TMEM243: variants seen among roughly 807,000 people sequenced by gnomAD.
TMEM243 encodes MDR1 and mitochondrial taxol resistance associated.
In TMEM243, 20 loss-of-function variants were observed where a neutral mutation model predicts 15.0. The observed-to-expected ratio is 1.33, with a 90% CI of 0.94 to 1.93. TMEM243 has a LOEUF of 1.93. Among genes scored for constraint, TMEM243 ranks in the 30% most tolerant of loss-of-function variants. TMEM243 has a pLI of 0.00. For missense variants in TMEM243, 156 were observed against 142.1 expected (o/e 1.10, Z -0.50); for synonymous variants, 72 against 52.7 (o/e 1.37, Z -1.59).
chr7:87,214,122 C>G (rs1802948913), intron 1 of TMEM243, among the ~76,000 whole-genome samples: 1 of 152,190 alleles, frequency 6.6e-6, no homozygotes, highest in African/African-American at 2.4e-5. Flanking sequence ...CCCATTTGCC[C>G]TAGCTATGGG....
In TMEM243 at chr7:87,198,015, G is replaced by A. The variant is rs778309452; in HGVS notation, c.160C>T (p.Gln54Ter). The stretch of plus-strand genomic sequence containing the variant: ...ATATTCAACGGTTTTGGAGGTAGTT[G>A]AGGGAAAACAAAAGCACTTATCAGC... ...VTLISAFVFPQLPPKPLNIFF... is the reference protein window; with the variant it reads ...VTLISAFVFP The change falls in exon 3 of 4, where the codon CAA (glutamine) becomes TAA (stop). Residue 54 changes from glutamine to a stop codon, truncating the protein, a stop_gained. Transcript: ENST00000257637. LOFTEE classifies it high-confidence loss of function. 8 of 1,612,562 alleles carry A rather than the reference G, an allele frequency of 5.0e-6. No individual in the cohort carries two copies. The highest frequency in any genetic ancestry group is 1.7e-6 in the Non-Finnish European group (2 of 1,179,126).
intron 1 of TMEM243, among the ~76,000 whole-genome samples, chr7:87,200,477 T>C (rs1801713311): frequency 6.6e-6 from 1 of 152,152 alleles, no homozygotes. Flanking sequence ...AGCAAGAATA[T>C]CTGCTGCTCT....
chr7:87,219,086 GTC>G (rs1432704943), intron 1 of TMEM243, among the ~76,000 whole-genome samples: 3 of 152,108 alleles, frequency 2.0e-5, no homozygotes, highest in Non-Finnish European at 2.9e-5. Context: ...CACACCTGAA[GTC>G]TCTGGAGGGT....
intron 3 of TMEM243, among the ~76,000 whole-genome samples, chr7:87,197,204 A>T (rs1801359370): frequency 6.6e-6 from 1 of 152,118 alleles, no homozygotes; most frequent in Non-Finnish European, 1.5e-5. Flanking sequence ...AAGCTCCCAA[A>T]GTGGGATGGG....
intron 1 of TMEM243, among the ~76,000 whole-genome samples, chr7:87,208,820 C>T (rs1305096584): frequency 1.3e-5 from 2 of 152,360 alleles, no homozygotes; most frequent in Middle Eastern, 3.4e-3. Flanking sequence ...CAAAGCCAAG[C>T]CACATGTTTT....
At chr7:87,209,207 A>G (rs1371078820) in intron 1 of TMEM243, among the ~76,000 whole-genome samples, 1 of 152,172 alleles carries the variant, frequency 6.6e-6, no homozygotes, top group African/African-American at 2.4e-5. Context: ...GGTTTAACTG[A>G]ATAACAGTTC....
Position 87,219,728 on chromosome 7 carries a change from G to T in TMEM243, c.-225C>A, listed in dbSNP as rs1803369496. 1 of 567,784 alleles carries T rather than the reference G, an allele frequency of 1.8e-6. No individual in the cohort carries two copies. The highest frequency in any genetic ancestry group is 3.1e-6 in the Non-Finnish European group (1 of 320,712). The allele number at this position is 567,784 out of a possible 1,614,324, so 35.2% of individuals were successfully genotyped here. A position where few individuals can be genotyped will look rare whatever the true frequency, so the allele number is the denominator to read the frequency against. On this transcript the variant is annotated 5_prime_UTR_variant, in exon 1 of 4. Coordinates refer to ENST00000257637, the MANE Select transcript of TMEM243 (RefSeq NM_024315.4). ...TCCTCATCTTGAGCAGCTGCCGCAG[G>T]AAGTGAAAGGAAACAAACACTGCGT...
intron 1 of TMEM243, among the ~76,000 whole-genome samples, chr7:87,216,529 A>C (rs1000027857): frequency 1.3e-5 from 2 of 152,204 alleles, no homozygotes; most frequent in Non-Finnish European, 2.9e-5. Context: ...ATGTCTGTAA[A>C]GCTATTCCTA....
intron 1 of TMEM243, among the ~76,000 whole-genome samples, chr7:87,201,229 A>T (rs1231490644): frequency 6.6e-6 from 1 of 152,230 alleles, no homozygotes; most frequent in Non-Finnish European, 1.5e-5. Flanking sequence ...GAATTCAGGT[A>T]TGCAGAGTTA....
At position 87,212,184 on chromosome 7, in the gene TMEM243, G is replaced by A. The variant is rs149973823; in HGVS notation, c.78+7242C>T. 8.7e-4 allele frequency among the ~76,000 whole-genome samples: 133 copies of A among 152,292 alleles called. 1 individual carries two copies. In the East Asian group the frequency reaches 0.023, roughly 26 times the overall value. On this transcript the variant is annotated intron_variant, in intron 1 of 3. Transcript: ENST00000257637. Reference sequence around the variant, plus strand: ...ACATTCAGTAGAGGGTCAGTAAATGGCAGCTAATATGGTATTTGCACTATT... The same window carrying A: ...ACATTCAGTAGAGGGTCAGTAAATGACAGCTAATATGGTATTTGCACTATT...
Position 87,198,998 on chromosome 7 carries a change from G to A in TMEM243, c.129+9C>T. 6.3e-7 allele frequency: 1 copy of A among 1,592,546 alleles called. No homozygotes were observed. On this transcript the variant is annotated intron_variant, in intron 2 of 3. Transcript: ENST00000257637. Reference sequence around the variant, plus strand: ...GAGCCTGGGTGAGGCACAAAATGAGGATACTTACTAGAATCAATAAGGATG... The same window carrying A: ...GAGCCTGGGTGAGGCACAAAATGAGAATACTTACTAGAATCAATAAGGATG...
Position 87,196,661 on chromosome 7 carries a change from A to G in TMEM243, c.332T>C (p.Leu111Pro), listed in dbSNP as rs748125266. Residue 111 changes from leucine (L) to proline (P), a missense_variant, in exon 4 of 4, where the codon CTG (leucine) becomes CCG (proline). Leu to Pro is a moderately conservative substitution (Grantham distance 98). Coordinates refer to ENST00000257637, the MANE Select transcript of TMEM243 (RefSeq NM_024315.4). ...TCACCTTCCCACATCATGGAAGTAC[A>G]GGTTTGCACATATACACAACATGAT... Reference protein sequence around the residue: ...SIIMLCICANLYFHDVGR With the variant: ...SIIMLCICANPYFHDVGR The G allele has an allele frequency of 4.4e-6, 7 of 1,608,708 alleles. No homozygotes were observed. The highest frequency in any genetic ancestry group is 5.9e-6 in the Non-Finnish European group (7 of 1,177,760).
intron 1 of TMEM243, among the ~76,000 whole-genome samples, chr7:87,200,389 A>G (rs1801702670): frequency 6.6e-6 from 1 of 152,190 alleles, no homozygotes; most frequent in Non-Finnish European, 1.5e-5. Flanking sequence ...GTCACCACTC[A>G]CTTTAACTTC....
intron 1 of TMEM243, among the ~76,000 whole-genome samples, chr7:87,200,410 G>A (rs546820900): frequency 3.7e-4 from 57 of 152,174 alleles, no homozygotes; most frequent in African/African-American, 1.3e-3. Flanking sequence ...TTCCCACATG[G>A]GACAACATAA....
intron 1 of TMEM243, among the ~76,000 whole-genome samples, chr7:87,204,629 A>G (rs1407508260): frequency 6.6e-6 from 1 of 152,258 alleles, no homozygotes; most frequent in Non-Finnish European, 1.5e-5. Context: ...AATGTCTCAC[A>G]TCCAGGTCAT....
chr7:87,197,666 G>C, intron 3 of TMEM243: 1 of 1,222,132 alleles, frequency 8.2e-7, no homozygotes, highest in Non-Finnish European at 1.1e-6. Context: ...TAAAATCTTT[G>C]GCCACCTACG....
chr7:87,204,956 G>A (rs1441649989), intron 1 of TMEM243, among the ~76,000 whole-genome samples: 1 of 152,236 alleles, frequency 6.6e-6, no homozygotes, highest in Non-Finnish European at 1.5e-5. Context: ...ACATCCAGGT[G>A]TTTCTGTATG....
chr7:87,211,925 G>C (rs1242530250), intron 1 of TMEM243, among the ~76,000 whole-genome samples: 1 of 152,226 alleles, frequency 6.6e-6, no homozygotes, highest in Non-Finnish European at 1.5e-5. Context: ...ACAGTGCCGA[G>C]AGCACGGGAT....
intron 1 of TMEM243, among the ~76,000 whole-genome samples, chr7:87,207,105 T>C (rs1352415452): frequency 6.6e-6 from 1 of 152,200 alleles, no homozygotes; most frequent in African/African-American, 2.4e-5. Flanking sequence ...CAAAGAAATA[T>C]CAATGGTAAA....
Sources: gnomAD v4.1 joint callset for allele counts (sites outside exome capture counted in the v4.1 genomes callset) on GRCh38, gnomAD v4.1.1 for gene constraint, MANE v1.5 for transcripts, NCBI Gene and HGNC (gene_info 2026-07-23, HGNC 2026-07-21) for gene names.